The following APBA1 variants were observed in gnomAD, a reference collection of about 807,000 sequenced individuals.
APBA1 encodes amyloid beta precursor protein binding family A member 1, also known as amyloid-beta A4 precursor protein-binding family A member 1.
A neutral mutation model predicts 86.6 loss-of-function variants in APBA1; 55 were observed. The ratio of observed to expected loss-of-function variants is 0.64; its 90% CI spans 0.51 to 0.80. The LOEUF (loss-of-function observed/expected upper bound fraction) is 0.80. Among genes scored for constraint, APBA1 ranks in the 30% least tolerant of loss-of-function variants. The pLI is 0.00. For missense variants in APBA1, 1,090 were observed against 1,183.0 expected (o/e 0.92, Z 1.15); for synonymous variants, 511 against 493.9 (o/e 1.03, Z -0.46).
At chr9:69,580,708 C>A (rs1216896380) in intron 1 of APBA1, among the ~76,000 whole-genome samples, 2 of 152,138 alleles carry the variant, frequency 1.3e-5, no homozygotes, top group African/African-American at 4.8e-5. Flanking sequence ...GCGTGAAATG[C>A]TTTTCACTCC....
chr9:69,504,011 G>T (rs1835916468), intron 2 of APBA1, among the ~76,000 whole-genome samples: 1 of 152,110 alleles, frequency 6.6e-6, no homozygotes, highest in African/African-American at 2.4e-5. Context: ...GACCATGCTT[G>T]TCTAAAAACA....
chr9:69,440,153 C>G (rs1195723117), intron 11 of APBA1, among the ~76,000 whole-genome samples: 1 of 152,176 alleles, frequency 6.6e-6, no homozygotes, highest in African/African-American at 2.4e-5. Flanking sequence ...AGTTTTGTCT[C>G]AGAGGAGTAC....
At chr9:69,447,654 T>C (rs1834932271) in intron 10 of APBA1, among the ~76,000 whole-genome samples, 1 of 152,184 alleles carries the variant, frequency 6.6e-6, no homozygotes, top group African/African-American at 2.4e-5. Context: ...GGGATGACTC[T>C]GTATTGGAGG....
intron 9 of APBA1, 34 bp from the exon 10 acceptor site, chr9:69,449,830 C>T (rs777982390): frequency 1.3e-6 from 2 of 1,584,768 alleles, no homozygotes; most frequent in South Asian, 2.2e-5. Flanking sequence ...AAACCTCCAT[C>T]AGTGACCATC....
At chr9:69,565,420 A>G (rs974983341) in intron 1 of APBA1, among the ~76,000 whole-genome samples, 1 of 152,098 alleles carries the variant, frequency 6.6e-6, no homozygotes, top group African/African-American at 2.4e-5. Flanking sequence ...CAGCGAGCCC[A>G]TCAGCTCCTA....
Position 69,445,272 on chromosome 9 carries a change from G to A in APBA1, c.2182-4157C>T, listed in dbSNP as rs1244598950. 2.0e-5 allele frequency among the ~76,000 whole-genome samples: 3 copies of A among 152,190 alleles called. No homozygotes were observed. The East Asian group carries it at 5.8e-4, about 29-fold the overall frequency. On this transcript the variant is annotated intron_variant, in intron 10 of 12. Transcript: ENST00000265381. ...AAAAATTTTCTAGATTGGGGAAAAT[G>A]TGTTGCAAGATGAAGCTTAGAGAAA...
intron 1 of APBA1, among the ~76,000 whole-genome samples, chr9:69,607,264 G>T (rs966155768): frequency 6.6e-6 from 1 of 152,136 alleles, no homozygotes; most frequent in African/African-American, 2.4e-5. Context: ...AAGAGCAAAG[G>T]GATGTCTTAC....
rs12238812 is a variant in APBA1, at chr9:69,583,756, A to G, written c.-69-66477T>C. ...TTCATGGCTGACCTCCTCTGCCCCAATTAGGGATCTTGTGATACTGCGGAA... is the reference window on the plus strand; with the variant it reads ...TTCATGGCTGACCTCCTCTGCCCCAGTTAGGGATCTTGTGATACTGCGGAA... On this transcript the variant is annotated intron_variant, in intron 1 of 12. Coordinates refer to ENST00000265381, the MANE Select transcript of APBA1 (RefSeq NM_001163.4). 2.6e-5 allele frequency among the ~76,000 whole-genome samples: 4 copies of G among 152,252 alleles called. No individual in the cohort carries two copies. In the East Asian group the frequency reaches 5.8e-4, roughly 22 times the overall value.
intron 11 of APBA1, among the ~76,000 whole-genome samples, chr9:69,433,927 T>C (rs918315938): frequency 6.7e-6 from 1 of 150,368 alleles, no homozygotes; most frequent in Non-Finnish European, 1.5e-5. Flanking sequence ...TCCTCCTGCC[T>C]CACCCTCCTG....
At chr9:69,443,269 C>T (rs751587990) in intron 10 of APBA1, among the ~76,000 whole-genome samples, 26 of 152,176 alleles carry the variant, frequency 1.7e-4, no homozygotes, top group African/African-American at 4.8e-4. Flanking sequence ...TTCAGGTGCA[C>T]GCTCAATTTT....
chr9:69,460,506 G>T (rs187939767), intron 5 of APBA1, among the ~76,000 whole-genome samples: 148 of 152,218 alleles, frequency 9.7e-4, no homozygotes, highest in Non-Finnish European at 1.4e-3. Flanking sequence ...TACTTCTCCT[G>T]AAATGATATG....
intron 1 of APBA1, among the ~76,000 whole-genome samples, chr9:69,582,021 G>C (rs1821921167): frequency 6.6e-6 from 1 of 152,148 alleles, no homozygotes; most frequent in Non-Finnish European, 1.5e-5. Flanking sequence ...CAGCTAAACT[G>C]TGTGTTGCTG....
intron 3 of APBA1, among the ~76,000 whole-genome samples, chr9:69,475,357 C>G (rs938870235): frequency 6.6e-6 from 1 of 152,220 alleles, no homozygotes; most frequent in Non-Finnish European, 1.5e-5. Context: ...TCCTCAGTTA[C>G]ACTGGCCACA....
intron 1 of APBA1, among the ~76,000 whole-genome samples, chr9:69,627,344 A>G (rs1203684701): frequency 6.6e-6 from 1 of 152,114 alleles, no homozygotes; most frequent in African/African-American, 2.4e-5. Flanking sequence ...TCTCAGTCAG[A>G]TGGTGAAAAA....
At chr9:69,638,951 A>G (rs928372780) in intron 1 of APBA1, among the ~76,000 whole-genome samples, 1 of 152,206 alleles carries the variant, frequency 6.6e-6, no homozygotes, top group African/African-American at 2.4e-5. Context: ...TAACAGAAAT[A>G]TATAGACAGG....
At chr9:69,648,275 C>T (rs549336490) in intron 1 of APBA1, among the ~76,000 whole-genome samples, 43 of 152,280 alleles carry the variant, frequency 2.8e-4, no homozygotes, top group African/African-American at 9.1e-4. Context: ...GAGACCAGGT[C>T]AGAATACATA....
At chr9:69,591,667 G>C (rs952137453) in intron 1 of APBA1, among the ~76,000 whole-genome samples, 7 of 152,178 alleles carry the variant, frequency 4.6e-5, no homozygotes, top group African/African-American at 1.4e-4. Context: ...ACAGATTTTA[G>C]CATCTTCCCT....
At chr9:69,489,423 T>G (rs996711867) in intron 2 of APBA1, among the ~76,000 whole-genome samples, 1 of 152,124 alleles carries the variant, frequency 6.6e-6, no homozygotes, top group Non-Finnish European at 1.5e-5. Flanking sequence ...TGGCTAGCCA[T>G]ATGTAGAAAC....
chr9:69,516,762 A>C lies in APBA1; in HGVS notation c.449T>G (p.Leu150Arg), dbSNP rs1836162802. 1 of 1,611,756 alleles carries C rather than the reference A, an allele frequency of 6.2e-7. No homozygotes were observed. Among genetic ancestry groups the C allele is most frequent in the South Asian group, 1.1e-5 (1 of 90,944 alleles). Residue 150 changes from leucine (L) to arginine (R), a missense_variant, in exon 2 of 13, where the codon CTG becomes CGG. Coordinates refer to ENST00000265381, the MANE Select transcript of APBA1 (RefSeq NM_001163.4). The surrounding 1 kb of genome is among the most constrained non-coding windows in gnomAD (Gnocchi z 7.3). ...CTCGTGCTCCAGCGAGTGGAAGTGC[A>C]GGTGGTTGGGCAGCGCGCGGCGGTG... ...ATHRRALPNH[L>R]HFHSLEHEEA...
Sources: allele counts gnomAD v4.1 joint callset (sites outside exome capture counted in the v4.1 genomes callset), GRCh38; gene constraint gnomAD v4.1.1; non-coding constraint Gnocchi (gnomAD v3.1); transcripts MANE v1.5; gene names NCBI Gene and HGNC (gene_info 2026-07-23, HGNC 2026-07-21).